GNAS-AS1: variants seen among roughly 807,000 people sequenced by gnomAD.
The protein encoded by GNAS-AS1 is GNAS antisense RNA 1.
chr20:58,825,889 G>A (rs2085516530), intron 4 of GNAS-AS1: 1 of 393,738 alleles, frequency 2.5e-6, no homozygotes, highest in African/African-American at 2.1e-5. Context: ...GAAGCCCAGA[G>A]TCCCTGCCAC....
At chr20:58,826,032 C>T (rs529967587) in intron 4 of GNAS-AS1, 20 of 398,594 alleles carry the variant, frequency 5.0e-5, no homozygotes, top group Admixed American at 3.1e-4. Flanking sequence ...TACCTTTAGA[C>T]GATGACTTCA....
chr20:58,846,270 G>A (rs6070636), intron 2 of GNAS-AS1, among the ~76,000 whole-genome samples: 2,353 of 152,238 alleles, frequency 0.015, 37 homozygotes, highest in Middle Eastern at 0.034. Context: ...AAGGTTGAGG[G>A]CAGCTTCAAG....
intron 4 of GNAS-AS1, among the ~76,000 whole-genome samples, chr20:58,831,398 C>T (rs1014855497): frequency 3.9e-5 from 6 of 152,104 alleles, no homozygotes; most frequent in African/African-American, 1.2e-4. Flanking sequence ...ACAACATCAG[C>T]GGGCGCAGTG....
exon 5 of GNAS-AS1, chr20:58,818,932 T>C: frequency 2.5e-6 from 1 of 398,322 alleles, no homozygotes; most frequent in Non-Finnish European, 4.4e-6. Flanking sequence ...AGGGTGCATC[T>C]GGGAGGGCCT....
intron 2 of GNAS-AS1, among the ~76,000 whole-genome samples, chr20:58,844,782 T>C (rs1023149148): frequency 6.6e-6 from 1 of 151,162 alleles, no homozygotes; most frequent in Non-Finnish European, 1.5e-5. Context: ...CGGCCTACAG[T>C]GTGAGACTCC....
At chr20:58,818,961 A>G (rs914540454) in exon 5 of GNAS-AS1, 1 of 398,416 alleles carries the variant, frequency 2.5e-6, no homozygotes. Flanking sequence ...TTTATTCAAC[A>G]CTAGATACGC....
At chr20:58,832,876 A>G (rs565602893) in intron 4 of GNAS-AS1, among the ~76,000 whole-genome samples, 56 of 152,272 alleles carry the variant, frequency 3.7e-4, no homozygotes, top group Non-Finnish European at 6.5e-4. Flanking sequence ...ATCCCCACAC[A>G]GCACCTCATT....
At position 58,840,161 on chromosome 20, in the gene GNAS-AS1, G is replaced by A. The variant is rs746736450; in HGVS notation, n.819+1776C>T. The A allele has an allele frequency of 2.5e-6, 4 of 1,611,714 alleles. No homozygotes were observed. The highest frequency in any genetic ancestry group is 4.5e-5 in the East Asian group (2 of 44,852). The stretch of plus-strand genomic sequence containing the variant: ...GCGCCGAGCTCGCCATAATTACAAC[G>A]ACCTGTGCCCGCCCATAGGCCGCCG... On this transcript the variant is annotated intron_variant and non_coding_transcript_variant, in intron 4 of 4. Transcript: ENST00000424094. The surrounding 1 kb of genome is among the most constrained non-coding windows in gnomAD (Gnocchi z 6.0).
At chr20:58,842,854 G>A (rs1294037993) in intron 2 of GNAS-AS1, among the ~76,000 whole-genome samples, 1 of 152,228 alleles carries the variant, frequency 6.6e-6, no homozygotes, top group Non-Finnish European at 1.5e-5. Context: ...GCTATCTTCA[G>A]ACTGGGTATT....
At position 58,841,216 on chromosome 20, in the gene GNAS-AS1, G is replaced by T; in HGVS notation, n.819+721C>A. On this transcript the variant is annotated intron_variant and non_coding_transcript_variant, in intron 4 of 4. Coordinates refer to ENST00000424094, the Ensembl canonical transcript of GNAS-AS1. The surrounding 1 kb of genome is among the most constrained non-coding windows in gnomAD (Gnocchi z 5.0). ...AGATTTGGAGCTGCACACCCAAACGGCATTGGTAAGTCACTTGTTTTGCGC... is the reference window on the plus strand; with the variant it reads ...AGATTTGGAGCTGCACACCCAAACGTCATTGGTAAGTCACTTGTTTTGCGC... 1 of 664,934 alleles carries T rather than the reference G, an allele frequency of 1.5e-6. No individual in the cohort carries two copies. The highest frequency in any genetic ancestry group is 2.1e-6 in the Non-Finnish European group (1 of 483,114). 41.2% of individuals were successfully genotyped at this position (664,934 alleles called of 1,614,324 possible).
At chr20:58,825,588 A>G (rs75904260) in intron 4 of GNAS-AS1, among the ~76,000 whole-genome samples, 13 of 152,394 alleles carry the variant, frequency 8.5e-5, no homozygotes, top group East Asian at 5.8e-4. Flanking sequence ...CTTAGAGAGA[A>G]GTGTGAAGTG....
chr20:58,822,662 T>G (rs563750865), intron 4 of GNAS-AS1, among the ~76,000 whole-genome samples: 173 of 152,310 alleles, frequency 1.1e-3, no homozygotes, highest in African/African-American at 3.9e-3. Flanking sequence ...ATTTGTACTA[T>G]TAATAAAGGT....
In GNAS-AS1 at chr20:58,841,867, A is replaced by G. The variant is rs1034114516; in HGVS notation, n.819+70T>C. 1 of 1,231,244 alleles carries G rather than the reference A, an allele frequency of 8.1e-7. No homozygotes were observed. Among genetic ancestry groups the G allele is most frequent in the Non-Finnish European group, 1.0e-6 (1 of 987,966 alleles). The allele number at this position is 1,231,244 out of a possible 1,614,324, so 76.3% of individuals were successfully genotyped here. A position where few individuals can be genotyped will look rare whatever the true frequency, so the allele number is the denominator to read the frequency against. On this transcript the variant is annotated intron_variant and non_coding_transcript_variant, in intron 4 of 4. Transcript: ENST00000424094. This position sits in a 1 kb window ranked among gnomAD's most constrained non-coding sequence, Gnocchi z 5.0. ...TCTGGAGGCCCTCGAGATCGTCGCA[A>G]GTGGAAAGGTAAAGCGGAACAAGGG...
intron 4 of GNAS-AS1, among the ~76,000 whole-genome samples, chr20:58,830,280 A>ACACCACCATCAC (rs1168470813): frequency 5.2e-5 from 7 of 135,142 alleles, no homozygotes; most frequent in Non-Finnish European, 8.0e-5. Flanking sequence ...CACCACCGCC[A>ACACCACCATCAC]CACCACCATC....
chr20:58,824,033 C>T (rs1056958943), intron 4 of GNAS-AS1: 7 of 398,590 alleles, frequency 1.8e-5, no homozygotes, highest in Non-Finnish European at 2.7e-5. Context: ...ATTTTCCTGA[C>T]ACGCTCTCTT....
chr20:58,840,738 A>C lies in GNAS-AS1; in HGVS notation n.819+1199T>G. 1 of 1,605,388 alleles carries C rather than the reference A, an allele frequency of 6.2e-7. No individual in the cohort carries two copies. The highest frequency in any genetic ancestry group is 1.3e-5 in the African/African-American group (1 of 74,970). ...GACCCCGAAGAGTCGAAGGAGCCCA[A>C]GGAGGAGAAGCAGCGGCGTCGCTGC... On this transcript the variant is annotated intron_variant and non_coding_transcript_variant, in intron 4 of 4. Coordinates refer to ENST00000424094, the Ensembl canonical transcript of GNAS-AS1. The surrounding 1 kb of genome is among the most constrained non-coding windows in gnomAD (Gnocchi z 6.0).
chr20:58,846,238 TAAAG>T (rs2085935950), intron 2 of GNAS-AS1, among the ~76,000 whole-genome samples: 1 of 152,066 alleles, frequency 6.6e-6, no homozygotes, highest in Non-Finnish European at 1.5e-5. Flanking sequence ...TTTGAAGGAA[TAAAG>T]AGAGTCTTGA....
intron 2 of GNAS-AS1, among the ~76,000 whole-genome samples, chr20:58,847,188 G>A (rs1568915908): frequency 1.3e-5 from 2 of 152,100 alleles, no homozygotes; most frequent in East Asian, 3.8e-4. Flanking sequence ...CTGAACTCAC[G>A]ATGGGGGCTT....
chr20:58,840,146 C>A lies in GNAS-AS1; in HGVS notation n.819+1791G>T, dbSNP rs750367565. On this transcript the variant is annotated intron_variant and non_coding_transcript_variant, in intron 4 of 4. Coordinates refer to ENST00000424094, the Ensembl canonical transcript of GNAS-AS1. This position sits in a 1 kb window ranked among gnomAD's most constrained non-coding sequence, Gnocchi z 6.0. ...CCGGGCTCAGCAGTGGCGCCGAGCT[C>A]GCCATAATTACAACGACCTGTGCCC... The A allele has an allele frequency of 1.2e-6, 2 of 1,611,658 alleles. No homozygotes were observed. Among genetic ancestry groups the A allele is most frequent in the Admixed American group, 3.3e-5 (2 of 60,030 alleles).
Sources: gnomAD v4.1 joint callset for allele counts (sites outside exome capture counted in the v4.1 genomes callset) on GRCh38, gnomAD v4.1.1 for gene constraint, Gnocchi (gnomAD v3.1) non-coding constraint, MANE v1.5 for transcripts, NCBI Gene and HGNC (gene_info 2026-07-23, HGNC 2026-07-21) for gene names.